Variants in MAP2K1 observed in about 807,000 individuals in gnomAD.
The protein encoded by MAP2K1 is mitogen-activated protein kinase kinase 1.
In MAP2K1, 16 loss-of-function variants were observed where a neutral mutation model predicts 46.3. The observed-to-expected ratio is 0.35, with a 90% CI of 0.23 to 0.52. The LOEUF (loss-of-function observed/expected upper bound fraction) is 0.52. Ranked by LOEUF, MAP2K1 falls within the 20% of genes least tolerant of loss-of-function variation. MAP2K1 has a pLI of 0.94. For missense variants in MAP2K1, 263 were observed against 497.1 expected (o/e 0.53, Z 4.48); for synonymous variants, 183 against 185.6 (o/e 0.99, Z 0.11).
At chr15:66,421,004 C>T (rs866730162) in intron 1 of MAP2K1, among the ~76,000 whole-genome samples, 2 of 36,016 alleles carry the variant, frequency 5.6e-5, no homozygotes, top group South Asian at 1.3e-3. Context: ...CATATATACA[C>T]GTGCATATAT....
chr15:66,444,544 G>T, intron 4 of MAP2K1, 112 bp from the exon 5 acceptor site: 1 of 851,628 alleles, frequency 1.2e-6, no homozygotes, highest in Non-Finnish European at 2.0e-6. Context: ...AAAGGAGGAA[G>T]GCAAATTTGT....
At chr15:66,420,752 T>C (rs2093436736) in intron 1 of MAP2K1, among the ~76,000 whole-genome samples, 1 of 52,238 alleles carries the variant, frequency 1.9e-5, no homozygotes, top group Non-Finnish European at 4.6e-5. Context: ...TGTGTGTGTG[T>C]GTGTGTGTAT....
intron 5 of MAP2K1, among the ~76,000 whole-genome samples, chr15:66,449,028 A>AAC (rs1891960118): frequency 1.4e-5 from 2 of 146,688 alleles, no homozygotes; most frequent in Admixed American, 6.8e-5. Flanking sequence ...AAAAAAAAAA[A>AAC]CAACAACAAC....
chr15:66,437,631 C>A (rs1056125739), intron 3 of MAP2K1, among the ~76,000 whole-genome samples: 12 of 152,168 alleles, frequency 7.9e-5, no homozygotes, highest in African/African-American at 2.9e-4. Flanking sequence ...TTGAGACCTG[C>A]CCTGACCTTT....
At chr15:66,466,808 A>G (rs1387074606) in intron 5 of MAP2K1, among the ~76,000 whole-genome samples, 2 of 152,210 alleles carry the variant, frequency 1.3e-5, no homozygotes, top group Non-Finnish European at 2.9e-5. Flanking sequence ...AGTCTCCTGT[A>G]AGTTCAGTTC....
chr15:66,461,253 G>A (rs981376084), intron 5 of MAP2K1, among the ~76,000 whole-genome samples: 2 of 152,072 alleles, frequency 1.3e-5, no homozygotes, highest in Non-Finnish European at 2.9e-5. Context: ...ACTTTGCGAG[G>A]CTGAGGCAGG....
chr15:66,464,021 C>A lies in MAP2K1; in HGVS notation c.569-17734C>A, dbSNP rs192854614. Among the ~76,000 whole-genome samples, 60 of 152,246 alleles carry A rather than the reference C, an allele frequency of 3.9e-4. No individual in the cohort carries two copies. In the Middle Eastern group the frequency reaches 0.01, roughly 26 times the overall value. On this transcript the variant is annotated intron_variant, in intron 5 of 10. Coordinates refer to ENST00000307102, the MANE Select transcript of MAP2K1 (RefSeq NM_002755.4). ...TGAATAGAATGAGAGGCAGGTTTGC[C>A]CTAAACAGTTCTCAGCTTGACTTTT...
chr15:66,428,929 G>A (rs1005854497), intron 1 of MAP2K1, among the ~76,000 whole-genome samples: 9 of 151,730 alleles, frequency 5.9e-5, no homozygotes, highest in South Asian at 4.2e-4. Context: ...ACAAGCACAC[G>A]CCACCACGCC....
At chr15:66,434,834 T>C (rs1365227747) in intron 1 of MAP2K1, among the ~76,000 whole-genome samples, 193 bp from the exon 2 acceptor site, 1 of 152,164 alleles carries the variant, frequency 6.6e-6, no homozygotes, top group Non-Finnish European at 1.5e-5. Context: ...AGGTAAAGCA[T>C]GTTGGTGATA....
intron 1 of MAP2K1, among the ~76,000 whole-genome samples, chr15:66,426,364 A>AAT (rs970345687): frequency 6.6e-6 from 1 of 151,528 alleles, no homozygotes; most frequent in Non-Finnish European, 1.5e-5. Context: ...AGAAGACAAA[A>AAT]AAAAAAAAAA....
intron 1 of MAP2K1, among the ~76,000 whole-genome samples, chr15:66,403,877 G>A (rs1401056849): frequency 1.3e-5 from 2 of 152,112 alleles, no homozygotes; most frequent in Non-Finnish European, 2.9e-5. Flanking sequence ...CCACCCTTTA[G>A]TAAACAGTCC....
At chr15:66,486,150 C>T (rs533922493) in intron 7 of MAP2K1, among the ~76,000 whole-genome samples, 92 of 152,340 alleles carry the variant, frequency 6.0e-4, no homozygotes, top group African/African-American at 2.2e-3. Flanking sequence ...ATCCTCCTGC[C>T]TTGGCCTCCC....
At chr15:66,448,403 C>T (rs144810076) in intron 5 of MAP2K1, among the ~76,000 whole-genome samples, 29 of 152,272 alleles carry the variant, frequency 1.9e-4, no homozygotes, top group African/African-American at 7.0e-4. Flanking sequence ...TCCATAGCCA[C>T]ATTTTGGGAA....
chr15:66,394,154 A>G (rs1377329177), intron 1 of MAP2K1, among the ~76,000 whole-genome samples: 1 of 152,212 alleles, frequency 6.6e-6, no homozygotes, highest in Non-Finnish European at 1.5e-5. Flanking sequence ...ATACCTTTGA[A>G]GATGTATAAA....
chr15:66,421,885 T>C (rs1257701195), intron 1 of MAP2K1, among the ~76,000 whole-genome samples: 1 of 147,598 alleles, frequency 6.8e-6, no homozygotes, highest in African/African-American at 2.5e-5. Context: ...CTCTTTCTCT[T>C]TTTTTTTTTT....
At chr15:66,453,425 T>C (rs544635052) in intron 5 of MAP2K1, 16 of 699,334 alleles carry the variant, frequency 2.3e-5, no homozygotes, top group Non-Finnish European at 4.2e-5. Flanking sequence ...GCCTGGCTGC[T>C]CAGCATTTCA....
At chr15:66,476,609 G>A (rs967723878) in intron 5 of MAP2K1, among the ~76,000 whole-genome samples, 6 of 152,220 alleles carry the variant, frequency 3.9e-5, no homozygotes, top group Non-Finnish European at 7.3e-5. Flanking sequence ...GTGGAGACGT[G>A]TTGTGGTGTG....
intron 9 of MAP2K1, 153 bp from the exon 10 acceptor site, chr15:66,489,565 T>C (rs1234503105): frequency 2.6e-6 from 2 of 763,506 alleles, no homozygotes; most frequent in Non-Finnish European, 4.8e-6. Context: ...ATTAACTTAC[T>C]GTGGGCATGA....
intron 5 of MAP2K1, among the ~76,000 whole-genome samples, chr15:66,453,734 T>C (rs1892094904): frequency 6.6e-6 from 1 of 152,250 alleles, no homozygotes; most frequent in African/African-American, 2.4e-5. Context: ...AGGTCTTTTC[T>C]CTGCCTCAAA....
Sources: allele counts gnomAD v4.1 joint callset (sites outside exome capture counted in the v4.1 genomes callset), GRCh38; gene constraint gnomAD v4.1.1; transcripts MANE v1.5; gene names NCBI Gene and HGNC (gene_info 2026-07-23, HGNC 2026-07-21).